Variants in CNTN1 observed in about 807,000 individuals in gnomAD.
CNTN1 encodes the protein contactin-1.
A neutral mutation model predicts 126.4 loss-of-function variants in CNTN1; 38 were observed. That is an observed-to-expected ratio of 0.30 (90% CI 0.23 to 0.39). The LOEUF is 0.39. CNTN1 is among the 10% of genes least tolerant of loss of function. The probability of loss-of-function intolerance (pLI) is 1.00; values close to 1 mark genes in which losing one functional copy is unlikely to be tolerated. For missense variants in CNTN1, 1,009 were observed against 1,248.4 expected (o/e 0.81, Z 2.89); for synonymous variants, 413 against 422.6 (o/e 0.98, Z 0.28).
intron 1 of CNTN1, among the ~76,000 whole-genome samples, chr12:40,774,093 A>C (rs17128774): frequency 0.027 from 4,107 of 151,672 alleles, 184 homozygotes; most frequent in African/African-American, 0.093. Flanking sequence ...GACCCTCATG[A>C]GCAAAAACAT....
At chr12:40,831,301 G>A (rs1487609617) in intron 1 of CNTN1, among the ~76,000 whole-genome samples, 2 of 151,496 alleles carry the variant, frequency 1.3e-5, no homozygotes, top group Non-Finnish European at 2.9e-5. Flanking sequence ...TTGAAAAGAG[G>A]TAATATACCC....
intron 1 of CNTN1, among the ~76,000 whole-genome samples, chr12:40,835,436 G>T (rs1253449372): frequency 6.6e-6 from 1 of 152,106 alleles, no homozygotes; most frequent in Non-Finnish European, 1.5e-5. Flanking sequence ...ACTTCAATTT[G>T]CCACATTATA....
At chr12:40,731,180 A>G (rs577835562) in intron 1 of CNTN1, among the ~76,000 whole-genome samples, 1 of 152,206 alleles carries the variant, frequency 6.6e-6, no homozygotes, top group South Asian at 2.1e-4. Flanking sequence ...AAATAGACCA[A>G]TCCTTGGCAA....
At chr12:41,043,250 A>C (rs1204916695) in intron 23 of CNTN1, among the ~76,000 whole-genome samples, 1 of 152,172 alleles carries the variant, frequency 6.6e-6, no homozygotes, top group East Asian at 1.9e-4. Flanking sequence ...CCACCTACTC[A>C]TCTGACAAAG....
At chr12:40,718,532 G>A (rs1366188215) in intron 1 of CNTN1, among the ~76,000 whole-genome samples, 1 of 152,038 alleles carries the variant, frequency 6.6e-6, no homozygotes, top group African/African-American at 2.4e-5. Context: ...TCAACACTGG[G>A]GGCTGGGTTC....
At chr12:40,692,892 G>T (rs967726791) in intron 1 of CNTN1, among the ~76,000 whole-genome samples, 1 of 152,148 alleles carries the variant, frequency 6.6e-6, no homozygotes, top group Admixed American at 6.5e-5. Context: ...GGCTGCCGCC[G>T]CCAGCGCCGG....
chr12:40,772,353 A>C lies in CNTN1; in HGVS notation c.-77+79761A>C, dbSNP rs137877771. Among the ~76,000 whole-genome samples the C allele has an allele frequency of 1.7e-4, 26 of 152,160 alleles. 1 individual carries two copies. The highest frequency in any genetic ancestry group is 6.3e-4 in the African/African-American group (26 of 41,554). On this transcript the variant is annotated intron_variant, in intron 1 of 23. Transcript: ENST00000551295. Reference sequence around the variant, plus strand: ...GTCATCACATATTGTGTCTTATCACAATGTAATAGATGACTTCCATAGTAA... The same window carrying C: ...GTCATCACATATTGTGTCTTATCACCATGTAATAGATGACTTCCATAGTAA...
chr12:40,911,943 G>A (rs529926070), intron 3 of CNTN1, among the ~76,000 whole-genome samples: 3 of 152,228 alleles, frequency 2.0e-5, no homozygotes, highest in African/African-American at 7.2e-5. Context: ...AAAGTAAAGG[G>A]CAGAAGAGGA....
chr12:40,812,455 T>A (rs765295451), intron 1 of CNTN1, among the ~76,000 whole-genome samples: 1 of 152,164 alleles, frequency 6.6e-6, no homozygotes, highest in Admixed American at 6.5e-5. Flanking sequence ...TGCTGTTTTC[T>A]TACTGATTTT....
intron 16 of CNTN1, among the ~76,000 whole-genome samples, chr12:40,984,524 T>G (rs1947905519): frequency 6.6e-6 from 1 of 152,182 alleles, no homozygotes; most frequent in Non-Finnish European, 1.5e-5. Context: ...AGCAAGGTGC[T>G]AGGCTCTTCG....
At chr12:40,868,778 T>C (rs909145323) in intron 1 of CNTN1, among the ~76,000 whole-genome samples, 3 of 152,082 alleles carry the variant, frequency 2.0e-5, no homozygotes, top group African/African-American at 7.2e-5. Context: ...AATTATAAAT[T>C]CTGTGTGGAT....
chr12:40,776,877 T>C (rs1316035309), intron 1 of CNTN1, among the ~76,000 whole-genome samples: 1 of 151,694 alleles, frequency 6.6e-6, no homozygotes, highest in Non-Finnish European at 1.5e-5. Context: ...CAGTGACCTA[T>C]TTTTAACATG....
At chr12:40,872,989 A>G (rs1298440609) in intron 1 of CNTN1, among the ~76,000 whole-genome samples, 1 of 152,180 alleles carries the variant, frequency 6.6e-6, no homozygotes, top group Non-Finnish European at 1.5e-5. Context: ...GCCTCAAACC[A>G]TAAGAAGGTA....
intron 4 of CNTN1, among the ~76,000 whole-genome samples, chr12:40,920,466 A>T (rs12815418): frequency 0.034 from 5,125 of 151,468 alleles, 113 homozygotes; most frequent in Middle Eastern, 0.12. Context: ...TAGATGTTTA[A>T]TCTTGTTATG....
intron 1 of CNTN1, among the ~76,000 whole-genome samples, chr12:40,822,146 A>ATTTTTTTTTTTTTTTTTTT (rs1315956279): frequency 3.2e-4 from 26 of 81,884 alleles, no homozygotes; most frequent in East Asian, 5.0e-4. Flanking sequence ...CAAAATATAA[A>ATTTTTTTTTTTTTTTTTTT]TCTTTTTTTT....
intron 15 of CNTN1, among the ~76,000 whole-genome samples, chr12:40,962,319 A>G (rs1357150080): frequency 6.6e-6 from 1 of 152,108 alleles, no homozygotes; most frequent in Non-Finnish European, 1.5e-5. Context: ...GTATATGCAT[A>G]CAGCATGATG....
chr12:40,936,998 C>A, intron 10 of CNTN1, 93 bp downstream of exon 10: 1 of 1,492,862 alleles, frequency 6.7e-7, no homozygotes, highest in Non-Finnish European at 9.3e-7. Context: ...AGAGACAATA[C>A]AGAAAGGGCA....
At chr12:40,953,383 C>A (rs1946756422) in intron 14 of CNTN1, among the ~76,000 whole-genome samples, 1 of 152,104 alleles carries the variant, frequency 6.6e-6, no homozygotes, top group Non-Finnish European at 1.5e-5. Flanking sequence ...TCTTTACTTG[C>A]TTTGTAAGCG....
chr12:40,847,426 A>G (rs1942553073), intron 1 of CNTN1, among the ~76,000 whole-genome samples: 1 of 152,114 alleles, frequency 6.6e-6, no homozygotes, highest in Admixed American at 6.5e-5. Flanking sequence ...AACTTTTTGA[A>G]GTCCCCTTGT....
Sources: gnomAD v4.1 joint callset for allele counts (sites outside exome capture counted in the v4.1 genomes callset) on GRCh38, gnomAD v4.1.1 for gene constraint, MANE v1.5 for transcripts, NCBI Gene and HGNC (gene_info 2026-07-23, HGNC 2026-07-21) for gene names.